Variants in LRRC63 observed in about 807,000 individuals in gnomAD.
The protein encoded by LRRC63 is leucine-rich repeat-containing protein 63.
LRRC63 carries 40 observed loss-of-function variants against 49.5 expected under a neutral mutation model. The observed-to-expected ratio is 0.81, with a 90% CI of 0.63 to 1.05. The LOEUF is 1.05. Ranked by LOEUF, LRRC63 falls within the 50% of genes least tolerant of loss-of-function variation. The pLI, the probability that LRRC63 is intolerant of heterozygous loss-of-function variation, is 0.00. For missense variants in LRRC63, 636 were observed against 663.1 expected (o/e 0.96, Z 0.45); for synonymous variants, 191 against 221.1 (o/e 0.86, Z 1.21).
intron 5 of LRRC63, among the ~76,000 whole-genome samples, chr13:46,243,122 G>C (rs2047112208): frequency 6.6e-6 from 1 of 152,164 alleles, no homozygotes; most frequent in East Asian, 1.9e-4. Context: ...CTGGTTAAGA[G>C]ATAGGCACTA....
chr13:46,229,941 A>G (rs776724459), intron 4 of LRRC63, among the ~76,000 whole-genome samples: 1 of 152,098 alleles, frequency 6.6e-6, no homozygotes, highest in Admixed American at 6.5e-5. Context: ...ACATCACATG[A>G]TGAGAGCGGG....
rs572712884 is a variant in LRRC63 at position 46,229,196 on chromosome 13, AG to A, written c.832+464del. Among the ~76,000 whole-genome samples, 561 of 152,386 alleles carry A rather than the reference AG, an allele frequency of 3.7e-3. 5 individuals carry two copies. Among genetic ancestry groups the A allele is most frequent in the Admixed American group, 6.2e-3 (95 of 15,312 alleles). ...AAAACTAGCAGAAACAATAAGCAGT[AG>A]AAACATATCCACAGGATTATTTGGT... is the stretch of plus-strand genomic sequence containing the variant. On this transcript the variant is annotated intron_variant, in intron 4 of 9. Transcript: ENST00000595396.
intron 7 of LRRC63, among the ~76,000 whole-genome samples, chr13:46,260,432 C>A (rs2047595738): frequency 6.6e-6 from 1 of 152,196 alleles, no homozygotes; most frequent in African/African-American, 2.4e-5. Context: ...GGTCACCATT[C>A]CTTTCATTCA....
At chr13:46,262,045 A>C in intron 8 of LRRC63, 53 bp downstream of exon 8, 2 of 530,162 alleles carry the variant, frequency 3.8e-6, no homozygotes, top group South Asian at 9.6e-5. Flanking sequence ...ATATTTAATA[A>C]TGATTGTGAT....
intron 7 of LRRC63, among the ~76,000 whole-genome samples, chr13:46,260,520 C>A (rs148859845): frequency 6.6e-6 from 1 of 152,080 alleles, no homozygotes; most frequent in Non-Finnish European, 1.5e-5. Flanking sequence ...AAATTGAATC[C>A]GTGCCCTCTA....
chr13:46,272,795 T>C (rs1365605488), intron 9 of LRRC63, among the ~76,000 whole-genome samples: 2 of 152,242 alleles, frequency 1.3e-5, no homozygotes, highest in African/African-American at 4.8e-5. Flanking sequence ...ACATGGAAAG[T>C]TGTCCAAGAC....
At chr13:46,253,418 A>T (rs1156864492) in intron 7 of LRRC63, among the ~76,000 whole-genome samples, 1 of 152,070 alleles carries the variant, frequency 6.6e-6, no homozygotes, top group Admixed American at 6.6e-5. Context: ...AATAAACACC[A>T]TAATAAATAT....
At chr13:46,237,431 G>A (rs1434293708) in intron 5 of LRRC63, among the ~76,000 whole-genome samples, 4 of 152,122 alleles carry the variant, frequency 2.6e-5, no homozygotes, top group African/African-American at 9.7e-5. Context: ...ATACCAACAT[G>A]GTGTACAAGT....
chr13:46,224,301 C>T (rs957575078), intron 2 of LRRC63, among the ~76,000 whole-genome samples: 4 of 152,140 alleles, frequency 2.6e-5, no homozygotes, highest in African/African-American at 9.7e-5. Flanking sequence ...AAAGACGTGT[C>T]ATCAAGTTCT....
intron 5 of LRRC63, among the ~76,000 whole-genome samples, chr13:46,236,101 T>C (rs1193772212): frequency 6.6e-6 from 1 of 151,596 alleles, no homozygotes; most frequent in African/African-American, 2.4e-5. Flanking sequence ...AATCGGTCAA[T>C]TGAAATGATC....
At chr13:46,243,761 G>A (rs2047132711) in intron 5 of LRRC63, among the ~76,000 whole-genome samples, 1 of 152,192 alleles carries the variant, frequency 6.6e-6, no homozygotes, top group African/African-American at 2.4e-5. Flanking sequence ...ACAGGCATGA[G>A]CCACTGCACC....
intron 2 of LRRC63, among the ~76,000 whole-genome samples, chr13:46,220,703 C>A (rs1012760414): frequency 5.9e-5 from 9 of 151,940 alleles, no homozygotes; most frequent in Admixed American, 2.6e-4. Context: ...CCATGGCCAC[C>A]CAGTTTTGTG....
intron 5 of LRRC63, among the ~76,000 whole-genome samples, chr13:46,241,153 C>T (rs941563017): frequency 6.6e-6 from 1 of 152,068 alleles, no homozygotes; most frequent in Non-Finnish European, 1.5e-5. Flanking sequence ...GAATAGAGAA[C>T]CCAGAAATAA....
At chr13:46,227,356 G>A (rs2046606372) in intron 2 of LRRC63, among the ~76,000 whole-genome samples, 156 bp from the exon 3 acceptor site, 2 of 152,166 alleles carry the variant, frequency 1.3e-5, no homozygotes. Context: ...TACCAGTCAT[G>A]TCAACACACA....
chr13:46,225,679 T>C lies in LRRC63; in HGVS notation c.86-1833T>C, dbSNP rs184237369. Reference sequence around the variant, plus strand: ...AGCTATTTTATTGAATCAGTTAGCTTTAATTAGTTCCACTTAAGTAGGAAG... The same window carrying C: ...AGCTATTTTATTGAATCAGTTAGCTCTAATTAGTTCCACTTAAGTAGGAAG... On this transcript the variant is annotated intron_variant, in intron 2 of 9. Coordinates refer to ENST00000595396, the Ensembl canonical transcript of LRRC63. 1.4e-3 allele frequency among the ~76,000 whole-genome samples: 216 copies of C among 152,336 alleles called. 1 individual carries two copies. The highest frequency in any genetic ancestry group is 2.5e-3 in the Non-Finnish European group (172 of 68,028).
intron 8 of LRRC63, among the ~76,000 whole-genome samples, chr13:46,265,396 T>C (rs2047670688): frequency 6.6e-6 from 1 of 152,100 alleles, no homozygotes; most frequent in South Asian, 2.1e-4. Context: ...CAAAACACCA[T>C]AGGCTGGGCA....
chr13:46,212,823 A>C (rs2046133181), intron 1 of LRRC63, among the ~76,000 whole-genome samples, 179 bp from the exon 2 acceptor site: 1 of 152,190 alleles, frequency 6.6e-6, no homozygotes, highest in African/African-American at 2.4e-5. Flanking sequence ...GATTCTTTCT[A>C]TTAATAGAAG....
chr13:46,252,298 G>T (rs2047404366), intron 7 of LRRC63, among the ~76,000 whole-genome samples: 1 of 151,986 alleles, frequency 6.6e-6, no homozygotes, highest in Non-Finnish European at 1.5e-5. Flanking sequence ...AGTGTGGTGA[G>T]ACTTGGAGAT....
chr13:46,253,226 A>AT (rs1197442077), intron 7 of LRRC63, among the ~76,000 whole-genome samples: 4 of 151,974 alleles, frequency 2.6e-5, no homozygotes, highest in Non-Finnish European at 4.4e-5. Flanking sequence ...AAAAAAAAAA[A>AT]GTCAAGGTAA....
Sources: gnomAD v4.1 joint callset for allele counts (sites outside exome capture counted in the v4.1 genomes callset) on GRCh38, gnomAD v4.1.1 for gene constraint, MANE v1.5 for transcripts, NCBI Gene and HGNC (gene_info 2026-07-23, HGNC 2026-07-21) for gene names.